MAF: variants seen among roughly 807,000 people sequenced by gnomAD.
MAF encodes transcription factor Maf.
MAF carries 10 observed loss-of-function variants against 22.0 expected under a neutral mutation model. That is an observed-to-expected ratio of 0.45 (90% CI 0.28 to 0.77). The LOEUF is 0.77. Ranked by LOEUF, MAF falls within the 30% of genes least tolerant of loss-of-function variation. The pLI, the probability that MAF is intolerant of heterozygous loss-of-function variation, is 0.12. For missense variants in MAF, 544 were observed against 548.4 expected (o/e 0.99, Z 0.08); for synonymous variants, 337 against 255.8 (o/e 1.32, Z -3.03).
chr16:79,349,997 C>T, the MAF span, among the ~76,000 whole-genome samples: 1 of 152,196 alleles, frequency 6.6e-6, no homozygotes, highest in Non-Finnish European at 1.5e-5. Context: ...CTTTAAGGCA[C>T]AATGAAAAGT....
At chr16:79,294,002 G>A in the MAF span, among the ~76,000 whole-genome samples, 1 of 152,176 alleles carries the variant, frequency 6.6e-6, no homozygotes, top group Non-Finnish European at 1.5e-5. Flanking sequence ...CAGATTTGCT[G>A]TAATAAGGTA....
the MAF span, among the ~76,000 whole-genome samples, chr16:79,564,700 C>T: frequency 6.6e-6 from 1 of 152,186 alleles, no homozygotes; most frequent in African/African-American, 2.4e-5. Context: ...TCTGCCCAGA[C>T]AGTGTGGCTG....
the MAF span, among the ~76,000 whole-genome samples, chr16:79,436,233 C>A: frequency 6.6e-6 from 1 of 152,116 alleles, no homozygotes; most frequent in African/African-American, 2.4e-5. Flanking sequence ...CAGGTGCTCA[C>A]CACCACACCC....
the MAF span, chr16:79,211,957 G>T: frequency 6.5e-7 from 1 of 1,536,240 alleles, no homozygotes; most frequent in Non-Finnish European, 8.7e-7. Context: ...AGTACCAATG[G>T]GAAGCAGGGA....
chr16:79,419,202 C>G, the MAF span, among the ~76,000 whole-genome samples: 1 of 152,150 alleles, frequency 6.6e-6, no homozygotes, highest in Non-Finnish European at 1.5e-5. Flanking sequence ...TTAATATCAG[C>G]ATGGGCCAAA....
the MAF span, among the ~76,000 whole-genome samples, chr16:79,365,767 T>A: frequency 6.6e-6 from 1 of 152,146 alleles, no homozygotes; most frequent in East Asian, 1.9e-4. Flanking sequence ...TCTCATGGGG[T>A]GAAGTTTCCT....
chr16:79,403,350 C>T, the MAF span, among the ~76,000 whole-genome samples: 1 of 152,322 alleles, frequency 6.6e-6, no homozygotes, highest in Non-Finnish European at 1.5e-5. Context: ...CACAAGCTCT[C>T]GCCTGGGTTA....
At chr16:79,591,822 G>C (rs1369476623), downstream of MAF, among the ~76,000 whole-genome samples, 1 of 152,134 alleles carries the variant, frequency 6.6e-6, no homozygotes, top group Non-Finnish European at 1.5e-5. Flanking sequence ...AACATGTCTG[G>C]CTGGTCCAAA....
chr16:79,595,015 C>A (rs532460794), intron 1 of MAF: 140 of 1,058,864 alleles, frequency 1.3e-4, no homozygotes, highest in Middle Eastern at 4.3e-4. Flanking sequence ...GAATATCACT[C>A]TTATTTTGAG....
the MAF span, among the ~76,000 whole-genome samples, chr16:79,446,723 G>A: frequency 6.7e-6 from 1 of 148,888 alleles, no homozygotes; most frequent in Non-Finnish European, 1.5e-5. Context: ...ACCAGCCTGG[G>A]CAGCACAGTG....
At chr16:79,566,758 C>T in the MAF span, among the ~76,000 whole-genome samples, 7 of 152,182 alleles carry the variant, frequency 4.6e-5, no homozygotes, top group Admixed American at 1.3e-4. Context: ...AAGGAACCTC[C>T]AGTTCCCGAC....
chr16:79,599,177 C>G lies in MAF; in HGVS notation c.726G>C (p.Ala242=), dbSNP rs1348434035. The change falls in exon 1 of 2, where the codon GCG becomes GCC. Residue 242 remains alanine (A), a synonymous_variant. Transcript: ENST00000326043. ...GGGGGGGAAG[A]GGALHPHHAA... ...CGTGGTGCGGGTGCAGGGCGCCCCC[C>G]GCCCCCGCCGCGCCCCCGCCGCCTC... is the stretch of plus-strand genomic sequence containing the variant. 3.4e-6 allele frequency: 4 copies of G among 1,178,932 alleles called. No individual in the cohort carries two copies. In the African/African-American group the frequency reaches 6.4e-5, roughly 19 times the overall value. 73.0% of individuals were successfully genotyped at this position (1,178,932 alleles called of 1,614,324 possible). A position where few individuals can be genotyped will look rare whatever the true frequency, so the allele number is the denominator to read the frequency against.
the MAF span, chr16:79,205,627 A>G: frequency 1.3e-5 from 2 of 152,290 alleles, no homozygotes; most frequent in African/African-American, 4.8e-5. Context: ...CCTCTTCTAT[A>G]ATAAAGGTTA....
At chr16:79,288,730 GTTGT>G in the MAF span, among the ~76,000 whole-genome samples, 4 of 152,052 alleles carry the variant, frequency 2.6e-5, no homozygotes, top group East Asian at 5.8e-4. Flanking sequence ...TAAGCAGTGT[GTTGT>G]TTGTTTGTTT....
chr16:79,485,028 C>T, the MAF span, among the ~76,000 whole-genome samples: 40 of 152,320 alleles, frequency 2.6e-4, no homozygotes, highest in African/African-American at 9.6e-4. Context: ...AAATGGACAT[C>T]ATGCTTCTTG....
the MAF span, among the ~76,000 whole-genome samples, chr16:79,256,033 G>C: frequency 3.6e-5 from 5 of 140,510 alleles, no homozygotes; most frequent in East Asian, 2.0e-4. Context: ...CCAGGCTGGA[G>C]TGCTGTGGTG....
chr16:79,359,806 G>C, the MAF span, among the ~76,000 whole-genome samples: 1 of 152,064 alleles, frequency 6.6e-6, no homozygotes. Context: ...GCATTCAGGA[G>C]GGAGTCCAGA....
the MAF span, among the ~76,000 whole-genome samples, chr16:79,388,242 G>A: frequency 8.0e-6 from 1 of 125,390 alleles, no homozygotes; most frequent in Non-Finnish European, 1.7e-5. Flanking sequence ...GTGTGCCGAT[G>A]TGGCCCGCGG....
At chr16:79,210,533 T>C in the MAF span, among the ~76,000 whole-genome samples, 6 of 152,174 alleles carry the variant, frequency 3.9e-5, no homozygotes, top group Admixed American at 3.9e-4. Flanking sequence ...CGAGCTTATC[T>C]TCAGTTACCT....
Sources: gnomAD v4.1 joint callset for allele counts (sites outside exome capture counted in the v4.1 genomes callset) on GRCh38, gnomAD v4.1.1 for gene constraint, MANE v1.5 for transcripts, NCBI Gene and HGNC (gene_info 2026-07-23, HGNC 2026-07-21) for gene names.